The following WARS1 variants were observed in gnomAD, a reference collection of about 807,000 sequenced individuals.
The protein encoded by WARS1 is tryptophan--tRNA ligase, cytoplasmic.
Under a neutral mutation model 47.8 loss-of-function variants are expected in WARS1, and 17 were observed. The observed-to-expected ratio is 0.36, with a 90% CI of 0.24 to 0.53. The LOEUF (loss-of-function observed/expected upper bound fraction) is 0.53. Among genes scored for constraint, WARS1 ranks in the 20% least tolerant of loss-of-function variants. The pLI is 0.91. For synonymous variants in WARS1, 208 were observed against 228.1 expected (o/e 0.91, Z 0.79); for missense variants, 434 against 608.0 (o/e 0.71, Z 3.01).
chr14:100,348,310 G>A (rs1265071798), intron 6 of WARS1, among the ~76,000 whole-genome samples: 2 of 152,214 alleles, frequency 1.3e-5, no homozygotes, highest in Non-Finnish European at 1.5e-5. Context: ...CGTTTGTGCT[G>A]GGCGAAGCAC....
In WARS1 at chr14:100,353,881, C is replaced by T. The variant is rs748523430; in HGVS notation, c.543-12G>A. ...CATCCTGGAGCCACCTAAAGAAACA[C>T]AGGGGGAGAAAGCTGACGTCTCATC... On this transcript the variant is annotated splice_polypyrimidine_tract_variant and intron_variant, in intron 5 of 10. Transcript: ENST00000392882. The T allele has an allele frequency of 1.2e-6, 2 of 1,610,952 alleles. No homozygotes were observed. Among genetic ancestry groups the T allele is most frequent in the Admixed American group, 1.7e-5 (1 of 59,890 alleles).
chr14:100,369,160 A>C lies in WARS1; in HGVS notation c.26T>G (p.Leu9Arg), dbSNP rs890695453. The C allele has an allele frequency of 4.2e-6, 6 of 1,443,262 alleles. No individual in the cohort carries two copies. Among genetic ancestry groups the C allele is most frequent in the African/African-American group, 2.9e-5 (2 of 69,162 alleles). 89.4% of individuals were successfully genotyped at this position (1,443,262 alleles called of 1,614,324 possible). Residue 9 changes from leucine to arginine, a missense_variant, in exon 2 of 11, where the codon CTG becomes CGG. Coordinates refer to ENST00000392882, the MANE Select transcript of WARS1 (RefSeq NM_004184.4). The part of the protein sequence containing the change: MPNSEPAS[L>R]LELFNSIATQ... ...GGCGATGCTGTTGAACAGCTCCAGC[A>C]GAGATGCGGGCTCACTGTTGGGCAT... is the stretch of plus-strand genomic sequence containing the variant.
chr14:100,373,642 A>G lies in WARS1; in HGVS notation c.-74+1641T>C, dbSNP rs905765226. ...GAATAGATAACTGTTTCTTTGCTAG[A>G]GGATCAGCTAGATAAACAGGACTTG... On this transcript the variant is annotated intron_variant, in intron 1 of 10. Coordinates refer to ENST00000392882, the MANE Select transcript of WARS1 (RefSeq NM_004184.4). This position sits in a 1 kb window ranked among gnomAD's most constrained non-coding sequence, Gnocchi z 4.4. Among the ~76,000 whole-genome samples, 15 of 152,264 alleles carry G rather than the reference A, an allele frequency of 9.9e-5. No homozygotes were observed. In the East Asian group the frequency reaches 2.5e-3, roughly 25 times the overall value.
intron 9 of WARS1, 161 bp downstream of exon 9, chr14:100,342,237 G>A (rs1269219234): frequency 1.1e-6 from 1 of 909,524 alleles, no homozygotes; most frequent in Non-Finnish European, 1.8e-6. Flanking sequence ...AGGCTGCCTT[G>A]AGTTCTGCAG....
chr14:100,366,625 CAT>C, intron 2 of WARS1: 1 of 751,316 alleles, frequency 1.3e-6, no homozygotes, highest in East Asian at 2.5e-5. Context: ...TGCTGTCAGA[CAT>C]GGCCCATGGA....
intron 7 of WARS1, among the ~76,000 whole-genome samples, chr14:100,344,603 T>C (rs1204652886): frequency 6.8e-6 from 1 of 146,288 alleles, no homozygotes; most frequent in African/African-American, 2.6e-5. Flanking sequence ...GTGAGGAGCG[T>C]CTCTGCCCGG....
At chr14:100,366,086 T>C (rs900871870) in intron 2 of WARS1, 2 of 455,908 alleles carry the variant, frequency 4.4e-6, no homozygotes, top group Admixed American at 2.4e-5. Flanking sequence ...CAAGGTTTCA[T>C]GTCAAGAGAG....
At position 100,369,114 on chromosome 14, in the gene WARS1, C is replaced by T. The variant is rs766199305; in HGVS notation, c.72G>A (p.Arg24=). 2 of 1,570,028 alleles carry T rather than the reference C, an allele frequency of 1.3e-6. No homozygotes were observed. The highest frequency in any genetic ancestry group is 8.7e-7 in the Non-Finnish European group (1 of 1,149,596). ...TTGACGCATTTCCCGCTTTGAGGGACCTTACGAGCTCCCCTTGTGTGGCGA... is the reference window on the plus strand; with the variant it reads ...TTGACGCATTTCCCGCTTTGAGGGATCTTACGAGCTCCCCTTGTGTGGCGA... ...NSIATQGELV[R]SLKAGNASKD... The change falls in exon 2 of 11, where the codon AGG becomes AGA. Residue 24 remains arginine (R), a synonymous_variant. Coordinates refer to ENST00000392882, the MANE Select transcript of WARS1 (RefSeq NM_004184.4).
intron 7 of WARS1, among the ~76,000 whole-genome samples, chr14:100,344,319 GA>G: frequency 2.6e-5 from 4 of 152,240 alleles, no homozygotes; most frequent in African/African-American, 9.6e-5. Flanking sequence ...TCCTAACCGC[GA>G]GTGATCAGCC....
intron 3 of WARS1, among the ~76,000 whole-genome samples, chr14:100,361,438 C>G (rs1473072286): frequency 6.6e-6 from 1 of 152,164 alleles, no homozygotes; most frequent in East Asian, 1.9e-4. Context: ...TTCCCAAGTT[C>G]TGAAGTGCTC....
At chr14:100,370,623 C>T (rs1203776558) in intron 1 of WARS1, 1 of 152,174 alleles carries the variant, frequency 6.6e-6, no homozygotes, top group Admixed American at 6.5e-5. Flanking sequence ...TGTATCAATT[C>T]ACTTAAGCCT....
chr14:100,344,327 A>C (rs1307576120), intron 7 of WARS1, among the ~76,000 whole-genome samples: 4 of 152,052 alleles, frequency 2.6e-5, no homozygotes, highest in African/African-American at 7.2e-5. Flanking sequence ...GCGAGTGATC[A>C]GCCAGCCTCG....
chr14:100,367,255 AG>A (rs1896054721), intron 2 of WARS1, among the ~76,000 whole-genome samples: 2 of 152,156 alleles, frequency 1.3e-5, no homozygotes, highest in Non-Finnish European at 2.9e-5. Flanking sequence ...AAGAGATCAA[AG>A]AAATCATGAT....
chr14:100,360,543 G>C lies in WARS1; in HGVS notation c.422+11C>G. The C allele has an allele frequency of 6.3e-7, 1 of 1,596,946 alleles. No homozygotes were observed. The highest frequency in any genetic ancestry group is 1.1e-5 in the South Asian group (1 of 89,378). On this transcript the variant is annotated intron_variant, in intron 4 of 10. Coordinates refer to ENST00000392882, the MANE Select transcript of WARS1 (RefSeq NM_004184.4). ...GACAGGTGAGAAGGCCTGTGGTGAA[G>C]AGCCCCTGACCTGTGTGAGAAGAAG...
At position 100,356,400 on chromosome 14, in the gene WARS1, G is replaced by T. The variant is rs529535699; in HGVS notation, c.423-1834C>A. 6.3e-3 allele frequency among the ~76,000 whole-genome samples: 745 copies of T among 118,606 alleles called. 23 individuals carry two copies. Among genetic ancestry groups the T allele is most frequent in the African/African-American group, 0.027 (692 of 25,654 alleles). 77.8% of individuals were successfully genotyped at this position (118,606 alleles called of 152,430 possible). On this transcript the variant is annotated intron_variant, in intron 4 of 10. Coordinates refer to ENST00000392882, the MANE Select transcript of WARS1 (RefSeq NM_004184.4). The stretch of plus-strand genomic sequence containing the variant: ...GTGACTGGGTGTGTGTGTGTGTGTG[G>T]GGGGGGGTGTGGAATAAAAGAGAAG...
chr14:100,341,429 A>G lies in WARS1; in HGVS notation c.1113+969T>C, dbSNP rs1894156814. The stretch of plus-strand genomic sequence containing the variant: ...AAGTTTTGATATGAAAGGCTTCCCC[A>G]TTGTCAACCAGAACCTGCTTGGGAC... On this transcript the variant is annotated intron_variant, in intron 9 of 10. Coordinates refer to ENST00000392882, the MANE Select transcript of WARS1 (RefSeq NM_004184.4). Among the ~76,000 whole-genome samples, 5 of 152,146 alleles carry G rather than the reference A, an allele frequency of 3.3e-5. No homozygotes were observed. The South Asian group carries it at 1.0e-3, about 32-fold the overall frequency.
At chr14:100,339,204 G>A (rs2139894887) in intron 9 of WARS1, among the ~76,000 whole-genome samples, 1 of 152,314 alleles carries the variant, frequency 6.6e-6, no homozygotes, top group East Asian at 1.9e-4. Context: ...AGGAGCAGAT[G>A]AGTGTTGGGG....
chr14:100,370,758 T>A (rs1302770422), intron 1 of WARS1, among the ~76,000 whole-genome samples: 2 of 148,272 alleles, frequency 1.3e-5, no homozygotes, highest in African/African-American at 5.0e-5. Context: ...CTTTGGGCAG[T>A]ATAGTGAGAC....
At chr14:100,349,767 G>A (rs1412084989) in intron 6 of WARS1, among the ~76,000 whole-genome samples, 2 of 152,220 alleles carry the variant, frequency 1.3e-5, no homozygotes, top group Non-Finnish European at 1.5e-5. Context: ...TGTGCAGGGG[G>A]AACTGCACTG....
Sources: allele counts gnomAD v4.1 joint callset (sites outside exome capture counted in the v4.1 genomes callset), GRCh38; gene constraint gnomAD v4.1.1; non-coding constraint Gnocchi (gnomAD v3.1); transcripts MANE v1.5; gene names NCBI Gene and HGNC (gene_info 2026-07-23, HGNC 2026-07-21).